TTC28: variants seen among roughly 807,000 people sequenced by gnomAD.
The protein encoded by TTC28 is tetratricopeptide repeat protein 28.
TTC28 carries 61 observed loss-of-function variants against 198.0 expected under a neutral mutation model. The ratio of observed to expected loss-of-function variants is 0.31; its 90% CI spans 0.25 to 0.38. TTC28 has a LOEUF of 0.38. TTC28 is among the 10% of genes least tolerant of loss of function. The pLI, the probability that TTC28 is intolerant of heterozygous loss-of-function variation, is 1.00. For synonymous variants in TTC28, 1,171 were observed against 1,297.8 expected (o/e 0.90, Z 2.10); for missense variants, 2,678 against 3,164.0 (o/e 0.85, Z 3.69).
intron 2 of TTC28, among the ~76,000 whole-genome samples, chr22:28,571,276 A>G (rs1009090739): frequency 1.3e-5 from 2 of 152,220 alleles, no homozygotes; most frequent in Admixed American, 6.5e-5. Context: ...GAAGCTGTGT[A>G]TATCTATTCT....
chr22:28,063,265 T>C (rs1376904808), intron 12 of TTC28, among the ~76,000 whole-genome samples: 1 of 152,200 alleles, frequency 6.6e-6, no homozygotes, highest in Non-Finnish European at 1.5e-5. Flanking sequence ...AAGATATCCA[T>C]GTCCCCCTCA....
intron 5 of TTC28, among the ~76,000 whole-genome samples, chr22:28,244,999 A>G (rs1331079657): frequency 6.6e-6 from 1 of 152,222 alleles, no homozygotes; most frequent in Non-Finnish European, 1.5e-5. Context: ...AAGTTCAAGT[A>G]GAAACATTAT....
At chr22:28,123,239 G>A (rs1427185192) in intron 6 of TTC28, among the ~76,000 whole-genome samples, 1 of 151,002 alleles carries the variant, frequency 6.6e-6, no homozygotes, top group African/African-American at 2.5e-5. Flanking sequence ...CACTGTTTCA[G>A]GTTTTTTTTT....
At chr22:28,230,191 C>T (rs1360752212) in intron 5 of TTC28, among the ~76,000 whole-genome samples, 1 of 152,182 alleles carries the variant, frequency 6.6e-6, no homozygotes, top group Non-Finnish European at 1.5e-5. Flanking sequence ...TCCTTTTCTA[C>T]TTGTAATTGT....
At chr22:28,674,405 A>G (rs1393876471) in intron 1 of TTC28, among the ~76,000 whole-genome samples, 2 of 152,046 alleles carry the variant, frequency 1.3e-5, no homozygotes, top group Non-Finnish European at 2.9e-5. Flanking sequence ...ACAAATATCA[A>G]ATCCCTACCA....
At position 28,108,180 on chromosome 22, in the gene TTC28, G is replaced by A. The variant is rs776066317; in HGVS notation, c.1665C>T (p.Ser555=). ...AGGCCACGGCAAGGTTCCCATGTGT[G>A]GAGGCCTGTGAGGCGCGGTCATTCA... ...MEVNDRASQA[S]THGNLAVAYQ... Residue 555 remains serine (S), a synonymous_variant, in exon 7 of 23, where the codon TCC becomes TCT. Coordinates refer to ENST00000397906, the MANE Select transcript of TTC28 (RefSeq NM_001145418.2). The A allele has an allele frequency of 1.8e-5, 28 of 1,551,736 alleles. No homozygotes were observed. In the South Asian group the frequency reaches 3.3e-4, roughly 18 times the overall value.
At chr22:28,026,229 A>T (rs1601530631) in intron 13 of TTC28, among the ~76,000 whole-genome samples, 1 of 152,022 alleles carries the variant, frequency 6.6e-6, no homozygotes, top group Non-Finnish European at 1.5e-5. Flanking sequence ...TTTCCTCTGC[A>T]CCCCTCAACG....
intron 2 of TTC28, among the ~76,000 whole-genome samples, chr22:28,515,106 T>C (rs577422210): frequency 8.1e-4 from 123 of 152,332 alleles, no homozygotes; most frequent in African/African-American, 2.8e-3. Context: ...GTATGAAAAT[T>C]ACTATGCAAG....
At chr22:28,531,508 A>G (rs2049139407) in intron 2 of TTC28, among the ~76,000 whole-genome samples, 1 of 152,202 alleles carries the variant, frequency 6.6e-6, no homozygotes, top group African/African-American at 2.4e-5. Context: ...AATGAGACAG[A>G]AAGTTAAAAA....
chr22:28,648,635 A>G (rs2051516427), intron 1 of TTC28, among the ~76,000 whole-genome samples: 1 of 152,244 alleles, frequency 6.6e-6, no homozygotes, highest in Non-Finnish European at 1.5e-5. Flanking sequence ...TGGGCCAGGC[A>G]CAGTGGCTCA....
At chr22:28,201,751 C>CA (rs34790960) in intron 5 of TTC28, among the ~76,000 whole-genome samples, 31,313 of 80,926 alleles carry the variant, frequency 0.39, 4,209 homozygotes, top group East Asian at 0.45. Flanking sequence ...TTACAGAAAG[C>CA]AAAAAAAAAA....
intron 2 of TTC28, among the ~76,000 whole-genome samples, chr22:28,333,921 T>C (rs955878927): frequency 6.6e-6 from 1 of 152,120 alleles, no homozygotes; most frequent in Admixed American, 6.6e-5. Context: ...TACATATGTA[T>C]ACATGTGCCA....
At chr22:28,494,222 T>A (rs2048420268) in intron 2 of TTC28, among the ~76,000 whole-genome samples, 1 of 152,218 alleles carries the variant, frequency 6.6e-6, no homozygotes, top group Admixed American at 6.5e-5. Flanking sequence ...AAAACAAAAC[T>A]GGCCTTGAGT....
intron 6 of TTC28, among the ~76,000 whole-genome samples, chr22:28,141,068 C>T (rs1943320645): frequency 6.6e-6 from 1 of 151,350 alleles, no homozygotes; most frequent in Non-Finnish European, 1.5e-5. Flanking sequence ...TTCAGAGAGA[C>T]CCAACAGCAA....
intron 2 of TTC28, among the ~76,000 whole-genome samples, chr22:28,428,593 A>C (rs1427507125): frequency 2.0e-5 from 3 of 148,618 alleles, no homozygotes; most frequent in African/African-American, 4.9e-5. Context: ...CCAAGTTCTA[A>C]CATTTCATGA....
intron 2 of TTC28, among the ~76,000 whole-genome samples, chr22:28,451,949 T>A (rs1164933742): frequency 1.3e-5 from 2 of 152,172 alleles, no homozygotes; most frequent in East Asian, 3.9e-4. Flanking sequence ...TATACAGCTT[T>A]GAAGTTATTA....
chr22:28,131,087 T>C (rs1176892860), intron 6 of TTC28, among the ~76,000 whole-genome samples: 2 of 152,230 alleles, frequency 1.3e-5, no homozygotes, highest in Admixed American at 6.5e-5. Flanking sequence ...TATGGAAGCA[T>C]GTATCTCAGT....
chr22:28,334,293 A>G (rs79428319), intron 2 of TTC28, among the ~76,000 whole-genome samples: 36 of 152,020 alleles, frequency 2.4e-4, no homozygotes, highest in African/African-American at 8.7e-4. Flanking sequence ...GCTATTGTGA[A>G]TAGTGCCACA....
intron 12 of TTC28, among the ~76,000 whole-genome samples, chr22:28,032,237 TATATATATATA>T (rs1159739775): frequency 2.8e-5 from 3 of 108,672 alleles, no homozygotes; most frequent in Non-Finnish European, 5.4e-5. Flanking sequence ...ATATATAAAA[TATATATATATA>T]AAATATATAT....
Sources: gnomAD v4.1 joint callset for allele counts (sites outside exome capture counted in the v4.1 genomes callset) on GRCh38, gnomAD v4.1.1 for gene constraint, MANE v1.5 for transcripts, NCBI Gene and HGNC (gene_info 2026-07-23, HGNC 2026-07-21) for gene names.